The following DNAJB6 variants were observed in gnomAD, a reference collection of about 807,000 sequenced individuals.
DNAJB6 encodes the protein DnaJ heat shock protein family (Hsp40) member B6.
Under a neutral mutation model 42.7 loss-of-function variants are expected in DNAJB6, and 16 were observed. That is an observed-to-expected ratio of 0.37 (90% CI 0.25 to 0.57). The LOEUF (loss-of-function observed/expected upper bound fraction) is 0.57. Among genes scored for constraint, DNAJB6 ranks in the 20% least tolerant of loss-of-function variants. DNAJB6 has a pLI of 0.74. For missense variants in DNAJB6, 347 were observed against 416.8 expected (o/e 0.83, Z 1.46); for synonymous variants, 170 against 163.5 (o/e 1.04, Z -0.30).
intron 8 of DNAJB6, among the ~76,000 whole-genome samples, chr7:157,393,077 G>A (rs562065997): frequency 3.3e-4 from 50 of 152,200 alleles, no homozygotes; most frequent in Admixed American, 9.2e-4. Flanking sequence ...GGGTTCAAGC[G>A]ATTCTCCTGC....
At chr7:157,391,834 G>C (rs761343274) in intron 8 of DNAJB6, among the ~76,000 whole-genome samples, 8 of 152,200 alleles carry the variant, frequency 5.3e-5, no homozygotes, top group Non-Finnish European at 1.0e-4. Context: ...AGGCGCAGTG[G>C]CTCATGCCTG....
chr7:157,339,644 TGTGA>T (rs1209211566), intron 1 of DNAJB6, among the ~76,000 whole-genome samples: 2,749 of 36,436 alleles, frequency 0.075, 41 homozygotes, highest in African/African-American at 0.13. Context: ...TGTGTGTGTG[TGTGA>T]GATGGAGTTT....
chr7:157,406,912 C>T (rs1278384379), intron 8 of DNAJB6, among the ~76,000 whole-genome samples: 1 of 152,234 alleles, frequency 6.6e-6, no homozygotes, highest in Admixed American at 6.5e-5. Flanking sequence ...GTTTCTCTTC[C>T]TCCGTGGTGG....
At chr7:157,361,097 A>C (rs1380263297) in intron 2 of DNAJB6, among the ~76,000 whole-genome samples, 2 of 149,812 alleles carry the variant, frequency 1.3e-5, no homozygotes, top group South Asian at 4.2e-4. Context: ...TGTCTTTTGT[A>C]TGGTCTGTTA....
At chr7:157,339,254 G>A (rs965528781) in intron 1 of DNAJB6, among the ~76,000 whole-genome samples, 29 of 149,636 alleles carry the variant, frequency 1.9e-4, no homozygotes, top group Non-Finnish European at 3.4e-4. Context: ...CCAGGTCTGA[G>A]GTGGGGGTGG....
intron 5 of DNAJB6, chr7:157,370,795 C>G (rs1325914469): frequency 6.6e-6 from 1 of 152,660 alleles, no homozygotes; most frequent in Non-Finnish European, 1.5e-5. Context: ...TTCAGGCTCT[C>G]AGGATTTACA....
chr7:157,364,800 T>G lies in DNAJB6; in HGVS notation c.175+1530T>G, dbSNP rs553765773. Among the ~76,000 whole-genome samples, 4 of 152,308 alleles carry G rather than the reference T, an allele frequency of 2.6e-5. No individual in the cohort carries two copies. The East Asian group carries it at 7.7e-4, about 29-fold the overall frequency. Reference sequence around the variant, plus strand: ...TCTTTTGGGAGGTGTATGAGGTGTGTTTTTCATGTCCTTTTAGGCAGCCTT... The same window carrying G: ...TCTTTTGGGAGGTGTATGAGGTGTGGTTTTCATGTCCTTTTAGGCAGCCTT... On this transcript the variant is annotated intron_variant, in intron 3 of 9. Transcript: ENST00000262177.
chr7:157,374,846 G>A (rs1023118615), intron 5 of DNAJB6, among the ~76,000 whole-genome samples: 2 of 152,166 alleles, frequency 1.3e-5, no homozygotes, highest in African/African-American at 4.8e-5. Flanking sequence ...GTATTTTGTG[G>A]TGTTGGTCCC....
At chr7:157,403,980 T>C (rs1287256438) in intron 8 of DNAJB6, among the ~76,000 whole-genome samples, 2 of 145,922 alleles carry the variant, frequency 1.4e-5, no homozygotes, top group Non-Finnish European at 3.0e-5. Context: ...CTGTGCAGGG[T>C]TTTTTTTTAA....
chr7:157,357,276 GTCCTTCCTTCCGTCCT>G (rs1163200936), intron 1 of DNAJB6, among the ~76,000 whole-genome samples: 939 of 29,656 alleles, frequency 0.032, 97 homozygotes, highest in African/African-American at 0.091. Flanking sequence ...CCTTCCTTCC[GTCCTTCCTTCCGTCCT>G]TCCTTCCTTC....
chr7:157,401,140 T>G (rs1386052224), intron 8 of DNAJB6, among the ~76,000 whole-genome samples: 1 of 152,240 alleles, frequency 6.6e-6, no homozygotes, highest in Non-Finnish European at 1.5e-5. Flanking sequence ...TACTGTGACC[T>G]GGGCTCCTCC....
intron 8 of DNAJB6, among the ~76,000 whole-genome samples, chr7:157,390,625 C>T (rs376699705): frequency 3.7e-4 from 57 of 152,220 alleles, no homozygotes; most frequent in Admixed American, 9.2e-4. Flanking sequence ...CCTTCCTGCC[C>T]GTCTCACCCA....
chr7:157,381,302 C>A (rs1800756925), intron 5 of DNAJB6: 1 of 152,164 alleles, frequency 6.6e-6, no homozygotes, highest in Non-Finnish European at 1.5e-5. Flanking sequence ...TTGCCTTTGT[C>A]TTTACCTTGC....
chr7:157,360,853 G>C (rs1370255686), intron 2 of DNAJB6, among the ~76,000 whole-genome samples: 2 of 152,134 alleles, frequency 1.3e-5, no homozygotes, highest in African/African-American at 4.8e-5. Context: ...TCCTTCCTTG[G>C]TGCTGAAGTA....
intron 9 of DNAJB6, chr7:157,412,674 G>T (rs761288440): frequency 3.3e-5 from 5 of 152,208 alleles, no homozygotes; most frequent in Non-Finnish European, 7.3e-5. Context: ...CCTGGTCAAG[G>T]TTCCTGTAAA....
chr7:157,390,548 C>G (rs1801290894), intron 8 of DNAJB6, among the ~76,000 whole-genome samples: 1 of 152,226 alleles, frequency 6.6e-6, no homozygotes, highest in African/African-American at 2.4e-5. Context: ...CGGAGGTTTT[C>G]TGAAGGAGGC....
intron 5 of DNAJB6, among the ~76,000 whole-genome samples, chr7:157,368,117 A>G (rs1013781625): frequency 6.6e-6 from 1 of 152,214 alleles, no homozygotes; most frequent in African/African-American, 2.4e-5. Flanking sequence ...CTGTCTCAAA[A>G]AAATAAAACA....
rs6459767 is a variant in DNAJB6, at chr7:157,346,928, G to A, written c.-27+9784G>A. 5.5e-3 allele frequency among the ~76,000 whole-genome samples: 831 copies of A among 152,164 alleles called. 12 individuals carry two copies. The highest frequency in any genetic ancestry group is 0.018 in the African/African-American group (764 of 41,508). ...TGCAGTGCAGTGGTGCGATCTCGGC[G>A]CACTGCAAGCTCCACCTCTCGGGTT... On this transcript the variant is annotated intron_variant, in intron 1 of 9. Transcript: ENST00000262177.
intron 5 of DNAJB6, chr7:157,381,261 A>T (rs1206297204): frequency 6.6e-6 from 1 of 152,160 alleles, no homozygotes; most frequent in Non-Finnish European, 1.5e-5. Context: ...GCCTGCAAGT[A>T]GGCCGTACTA....
Sources: allele counts gnomAD v4.1 joint callset (sites outside exome capture counted in the v4.1 genomes callset), GRCh38; gene constraint gnomAD v4.1.1; transcripts MANE v1.5; gene names NCBI Gene and HGNC (gene_info 2026-07-23, HGNC 2026-07-21).